Variants in WDPCP observed in about 807,000 individuals in gnomAD.
The protein encoded by WDPCP is WD repeat containing planar cell polarity effector, also known as WD repeat-containing and planar cell polarity effector protein fritz homolog.
WDPCP carries 71 observed loss-of-function variants against 93.1 expected under a neutral mutation model. The ratio of observed to expected loss-of-function variants is 0.76; its 90% confidence interval spans 0.63 to 0.93. WDPCP has a LOEUF of 0.93. WDPCP is among the 40% of genes least tolerant of loss of function. The probability of loss-of-function intolerance (pLI) is 0.00; values close to 1 mark genes in which losing one functional copy is unlikely to be tolerated. For missense variants in WDPCP, 844 were observed against 887.4 expected (o/e 0.95, Z 0.62); for synonymous variants, 315 against 315.0 (o/e 1.00, Z 0.00).
At chr2:63,493,884 T>G (rs1242028216) in intron 1 of WDPCP, among the ~76,000 whole-genome samples, 1 of 152,278 alleles carries the variant, frequency 6.6e-6, no homozygotes, top group South Asian at 2.1e-4. Flanking sequence ...TCCAGTAAAC[T>G]TCCGAATGAC....
chr2:63,295,796 A>AAG (rs1458452227), intron 13 of WDPCP, among the ~76,000 whole-genome samples: 6 of 130,200 alleles, frequency 4.6e-5, no homozygotes, highest in African/African-American at 1.5e-4. Context: ...ACAACAACAA[A>AAG]AAAGCCCAGG....
intron 2 of WDPCP, among the ~76,000 whole-genome samples, chr2:63,700,282 C>CA (rs1196006011): frequency 0.34 from 13,972 of 41,148 alleles, 2,241 homozygotes; most frequent in African/African-American, 0.4. Flanking sequence ...GACCCTGTCT[C>CA]AAAAAAAAAA....
intron 17 of WDPCP, among the ~76,000 whole-genome samples, chr2:63,139,916 T>C (rs1050982891): frequency 3.3e-5 from 5 of 152,226 alleles, no homozygotes; most frequent in Non-Finnish European, 7.3e-5. Flanking sequence ...GTTTTTCCAA[T>C]GTTATCTTCT....
chr2:63,649,198 C>T (rs532233350), intron 3 of WDPCP, among the ~76,000 whole-genome samples: 1 of 152,270 alleles, frequency 6.6e-6, no homozygotes. Context: ...CCTTCCCCAT[C>T]CCTTGGTGGA....
At chr2:63,233,522 A>G in intron 14 of WDPCP, 1 of 176,866 alleles carries the variant, frequency 5.7e-6, no homozygotes, top group African/African-American at 2.4e-5. Flanking sequence ...AACTTCTTCT[A>G]GAGGAACGCC....
chr2:63,627,880 C>T (rs906874259), intron 3 of WDPCP, among the ~76,000 whole-genome samples: 1 of 152,228 alleles, frequency 6.6e-6, no homozygotes, highest in Non-Finnish European at 1.5e-5. Context: ...GTCACACTGA[C>T]CCTCTGCCCT....
intron 13 of WDPCP, among the ~76,000 whole-genome samples, chr2:63,286,420 A>G (rs114358175): frequency 0.015 from 2,307 of 152,148 alleles, 64 homozygotes; most frequent in African/African-American, 0.053. Flanking sequence ...AATCTTCCCC[A>G]CACTTAAGAA....
At chr2:63,746,374 C>G (rs1669797878) in intron 2 of WDPCP, among the ~76,000 whole-genome samples, 1 of 152,036 alleles carries the variant, frequency 6.6e-6, no homozygotes, top group African/African-American at 2.4e-5. Context: ...GTTTGTAGAC[C>G]ATGTGTTTTT....
chr2:63,190,534 C>A (rs1391530302), intron 14 of WDPCP, among the ~76,000 whole-genome samples: 2 of 150,328 alleles, frequency 1.3e-5, no homozygotes, highest in Non-Finnish European at 3.0e-5. Flanking sequence ...ATTGTGTTTT[C>A]CTCAATATAA....
chr2:63,131,600 C>A (rs971821011), intron 17 of WDPCP, among the ~76,000 whole-genome samples: 1 of 152,038 alleles, frequency 6.6e-6, no homozygotes, highest in African/African-American at 2.4e-5. Flanking sequence ...GATTTGTGCA[C>A]CAGAATTACA....
intron 1 of WDPCP, among the ~76,000 whole-genome samples, chr2:63,587,860 C>G (rs945545382): frequency 2.6e-5 from 4 of 152,196 alleles, no homozygotes; most frequent in Non-Finnish European, 5.9e-5. Context: ...AGGGAATGGA[C>G]AAAACTCAAC....
At chr2:63,796,971 T>C (rs1670626449) in intron 2 of WDPCP, among the ~76,000 whole-genome samples, 1 of 151,740 alleles carries the variant, frequency 6.6e-6, no homozygotes, top group African/African-American at 2.4e-5. Context: ...AAAGGGAAGA[T>C]TAAAGAGGAC....
rs370417495 is a variant in WDPCP at position 63,730,737 on chromosome 2, G to A, written n.309-79899C>T. Among the ~76,000 whole-genome samples, 18 of 151,820 alleles carry A rather than the reference G, an allele frequency of 1.2e-4. No individual in the cohort carries two copies. The East Asian group carries it at 2.3e-3, about 20-fold the overall frequency. On this transcript the variant is annotated intron_variant and non_coding_transcript_variant, in intron 2 of 4. Transcript: ENST00000467687. ...AGCAAGAAAAGGTACTGAGAAAAGAGAAAAGAAAAAATGGGCACTTAGAGG... is the reference window on the plus strand; with the variant it reads ...AGCAAGAAAAGGTACTGAGAAAAGAAAAAAGAAAAAATGGGCACTTAGAGG...
At chr2:63,814,066 A>C (rs2104099579) in intron 1 of WDPCP, among the ~76,000 whole-genome samples, 1 of 152,334 alleles carries the variant, frequency 6.6e-6, no homozygotes, top group South Asian at 2.1e-4. Flanking sequence ...AAAGATAACA[A>C]AGGGGTGGAT....
At chr2:63,242,211 A>G (rs1679909646) in intron 14 of WDPCP, among the ~76,000 whole-genome samples, 3 of 152,172 alleles carry the variant, frequency 2.0e-5, no homozygotes, top group South Asian at 4.1e-4. Flanking sequence ...TACATTTTAA[A>G]AGGAGATGGC....
chr2:63,395,283 T>C (rs573236555), intron 10 of WDPCP, among the ~76,000 whole-genome samples: 9 of 152,308 alleles, frequency 5.9e-5, no homozygotes, highest in East Asian at 3.9e-4. Context: ...TTGTGTTACA[T>C]AGACATATTG....
intron 13 of WDPCP, among the ~76,000 whole-genome samples, chr2:63,307,892 A>C (rs1349781475): frequency 2.0e-5 from 3 of 152,234 alleles, no homozygotes; most frequent in Non-Finnish European, 2.9e-5. Context: ...AACTACACTA[A>C]AGAGCTTCTC....
chr2:63,306,165 G>A (rs1019548014), intron 13 of WDPCP, among the ~76,000 whole-genome samples: 11 of 152,156 alleles, frequency 7.2e-5, no homozygotes, highest in African/African-American at 2.2e-4. Context: ...TCCTGGACAC[G>A]TACACCCTCC....
chr2:63,132,253 T>G (rs897403620), intron 17 of WDPCP, among the ~76,000 whole-genome samples: 1 of 152,090 alleles, frequency 6.6e-6, no homozygotes, highest in African/African-American at 2.4e-5. Flanking sequence ...TTTTCTCTTG[T>G]AGCTCTCAAG....
Sources: allele counts gnomAD v4.1 joint callset (sites outside exome capture counted in the v4.1 genomes callset), GRCh38; gene constraint gnomAD v4.1.1; transcripts MANE v1.5; gene names NCBI Gene and HGNC (gene_info 2026-07-23, HGNC 2026-07-21).